SLC6A15: variants seen among roughly 807,000 people sequenced by gnomAD.
The protein encoded by SLC6A15 is solute carrier family 6 member 15.
A neutral mutation model predicts 68.5 loss-of-function variants in SLC6A15; 33 were observed. That is an observed-to-expected ratio of 0.48 (90% CI 0.37 to 0.64). The LOEUF is 0.64. Ranked by LOEUF, SLC6A15 falls within the 30% of genes least tolerant of loss-of-function variation. SLC6A15 has a pLI of 0.00. For synonymous variants in SLC6A15, 347 were observed against 301.0 expected (o/e 1.15, Z -1.58); for missense variants, 747 against 874.3 (o/e 0.85, Z 1.84).
At chr12:84,872,446 T>C (rs1871326212) in intron 8 of SLC6A15, among the ~76,000 whole-genome samples, 156 bp downstream of exon 8, 1 of 152,186 alleles carries the variant, frequency 6.6e-6, no homozygotes, top group Non-Finnish European at 1.5e-5. Flanking sequence ...ATTAAGAATG[T>C]AAATTCTGAA....
rs368561170 is a variant in SLC6A15, at chr12:84,861,694, G to A, written c.2131C>T (p.Arg711Trp). 22 of 1,613,718 alleles carry A rather than the reference G, an allele frequency of 1.4e-5. No individual in the cohort carries two copies. Among genetic ancestry groups the A allele is most frequent in the Middle Eastern group, 1.7e-4 (1 of 6,056 alleles). The change falls in exon 12 of 12, where the codon CGG becomes TGG. Residue 711 changes from arginine (R) to tryptophan (W), a missense_variant. By Grantham distance (101) the Arg-to-Trp change is moderately radical. Coordinates refer to ENST00000266682, the MANE Select transcript of SLC6A15 (RefSeq NM_182767.6). ...SPTLDTAPNG[R>W]YGIGYLMADI... ...GCCATCAAGTACCCTATTCCATACC[G>A]TCCATTGGGAGCAGTATCCAGAGTT...
In SLC6A15 at chr12:84,874,602, T is replaced by A. The variant is rs571760521; in HGVS notation, c.868-1274A>T. 3 of 152,318 alleles carry A rather than the reference T, an allele frequency of 2.0e-5. No individual in the cohort carries two copies. In the East Asian group the frequency reaches 5.8e-4, roughly 29 times the overall value. The allele number at this position is 152,318 out of a possible 1,614,324, so 9.4% of individuals were successfully genotyped here. On this transcript the variant is annotated intron_variant, in intron 6 of 11. Coordinates refer to ENST00000266682, the MANE Select transcript of SLC6A15 (RefSeq NM_182767.6). ...CTTCAACTAATTTTGGTTATTAAAA[T>A]CTATGAAATATGCTTATTAAACATA...
chr12:84,863,093 G>T (rs752219835), intron 11 of SLC6A15, among the ~76,000 whole-genome samples: 1 of 151,936 alleles, frequency 6.6e-6, no homozygotes, highest in Non-Finnish European at 1.5e-5. Flanking sequence ...ACCTGGCCTG[G>T]GATACAACTT....
intron 5 of SLC6A15, chr12:84,881,652 C>A: frequency 1.0e-6 from 1 of 981,826 alleles, no homozygotes; most frequent in Non-Finnish European, 1.2e-6. Context: ...ACATCACCAG[C>A]TGACTCATTC....
chr12:84,869,907 A>T (rs1444020285), intron 9 of SLC6A15, among the ~76,000 whole-genome samples: 1 of 152,054 alleles, frequency 6.6e-6, no homozygotes, highest in African/African-American at 2.4e-5. Context: ...ATAGCCCTTA[A>T]ATGGGAGTAT....
intron 1 of SLC6A15, among the ~76,000 whole-genome samples, chr12:84,897,662 GA>G (rs1872685753): frequency 6.6e-6 from 1 of 151,900 alleles, no homozygotes; most frequent in African/African-American, 2.4e-5. Flanking sequence ...AAAACTAAGA[GA>G]AAAATATATG....
At chr12:84,892,625 T>A (rs968718489) in intron 1 of SLC6A15, among the ~76,000 whole-genome samples, 1 of 152,168 alleles carries the variant, frequency 6.6e-6, no homozygotes, top group Non-Finnish European at 1.5e-5. Flanking sequence ...TTTTCCTCCC[T>A]GACTAAAGCA....
rs573952449 is a variant in SLC6A15 at position 84,907,110 on chromosome 12, G to A, written c.-189+5413C>T. On this transcript the variant is annotated intron_variant, in intron 1 of 11. Coordinates refer to ENST00000266682, the MANE Select transcript of SLC6A15 (RefSeq NM_182767.6). ...CACGCCTGTAATCCCAGCACTTTGGGAGGCCCAGACGGGTGGATCATGAGG... is the reference window on the plus strand; with the variant it reads ...CACGCCTGTAATCCCAGCACTTTGGAAGGCCCAGACGGGTGGATCATGAGG... Among the ~76,000 whole-genome samples, 34 of 152,270 alleles carry A rather than the reference G, an allele frequency of 2.2e-4. 1 individual carries two copies. Among genetic ancestry groups the A allele is most frequent in the African/African-American group, 8.2e-4 (34 of 41,578 alleles).
intron 2 of SLC6A15, among the ~76,000 whole-genome samples, chr12:84,886,646 A>G (rs1330966581): frequency 4.0e-5 from 6 of 151,750 alleles, no homozygotes; most frequent in South Asian, 2.1e-4. Context: ...TTTTTCCCAT[A>G]AATACTACAT....
At chr12:84,905,599 A>G (rs1873104625) in intron 1 of SLC6A15, among the ~76,000 whole-genome samples, 1 of 152,188 alleles carries the variant, frequency 6.6e-6, no homozygotes, top group Non-Finnish European at 1.5e-5. Flanking sequence ...TTAGTGTCCA[A>G]GGGACATTGT....
intron 4 of SLC6A15, 145 bp from the exon 5 acceptor site, chr12:84,884,185 C>T (rs1871970046): frequency 1.5e-6 from 1 of 661,846 alleles, no homozygotes; most frequent in African/African-American, 1.8e-5. Flanking sequence ...TCACAATGAA[C>T]AATAAAAATT....
At position 84,885,978 on chromosome 12, in the gene SLC6A15, C is replaced by G; in HGVS notation, c.380G>C (p.Arg127Pro). The change falls in exon 3 of 12, where the codon CGA (arginine) becomes CCA (proline). Residue 127 changes from arginine to proline, a missense_variant. Physicochemically the swap from Arg to Pro is moderately radical, Grantham distance 103 (BLOSUM62 -2). Transcript: ENST00000266682. ...LELSVGQRIR[R>P]GSIGVWNYIS... ...GTAATTCCATACACCAATGCTGCCT[C>G]GCCGAATTCTTTGACCCACAGAGAG... 6.2e-7 allele frequency: 1 copy of G among 1,612,906 alleles called. No homozygotes were observed. The highest frequency in any genetic ancestry group is 1.1e-5 in the South Asian group (1 of 90,976).
rs1009760716 is a variant in SLC6A15, at chr12:84,879,354, C to G, written c.757-2747G>C. 3.3e-5 allele frequency among the ~76,000 whole-genome samples: 5 copies of G among 151,646 alleles called. 1 individual carries two copies. The highest frequency in any genetic ancestry group is 6.8e-3 in the Middle Eastern group (2 of 294). On this transcript the variant is annotated intron_variant, in intron 5 of 11. Coordinates refer to ENST00000266682, the MANE Select transcript of SLC6A15 (RefSeq NM_182767.6). Reference sequence around the variant, plus strand: ...CTTTCTTTTTTTTTGGAGACCGAGTCTCACTCTGTCGCCCAGGGTGGAGTG... The same window carrying G: ...CTTTCTTTTTTTTTGGAGACCGAGTGTCACTCTGTCGCCCAGGGTGGAGTG...
rs190884828 is a variant in SLC6A15, at chr12:84,884,854, T to C, written c.574+581A>G. On this transcript the variant is annotated intron_variant, in intron 4 of 11. Transcript: ENST00000266682. ...TTAGAGTAATTATATATTGAAATAG[T>C]ATTTTTATATAATAGATTAAGTAAA... Among the ~76,000 whole-genome samples the C allele has an allele frequency of 1.1e-3, 160 of 152,062 alleles. 2 individuals carry two copies. The highest frequency in any genetic ancestry group is 2.5e-3 in the Admixed American group (38 of 15,280).
intron 1 of SLC6A15, among the ~76,000 whole-genome samples, chr12:84,892,699 C>T (rs186613868): frequency 4.6e-5 from 7 of 152,274 alleles, no homozygotes; most frequent in East Asian, 1.9e-4. Flanking sequence ...TGCAAACCAA[C>T]GCTGTAAATT....
chr12:84,886,148 T>A, intron 2 of SLC6A15, 80 bp from the exon 3 acceptor site: 1 of 1,012,540 alleles, frequency 9.9e-7, no homozygotes, highest in Non-Finnish European at 1.4e-6. Context: ...CCATTAAAGA[T>A]AATATTTGAA....
rs895544808 is a variant in SLC6A15, at chr12:84,885,442, T to C, written c.567A>G (p.Ser189=). The change falls in exon 4 of 12, where the codon TCA becomes TCG. Residue 189 remains serine, a synonymous_variant. Coordinates refer to ENST00000266682, the MANE Select transcript of SLC6A15 (RefSeq NM_182767.6). ...WDQCPLVKNA[S]HTFVEPECEQ... ...GTATTATACATATCTTACAAGTGTG[T>C]GAAGCATTTTTCACCAAAGGACACT... 3 of 1,612,886 alleles carry C rather than the reference T, an allele frequency of 1.9e-6. No homozygotes were observed. Among genetic ancestry groups the C allele is most frequent in the African/African-American group, 1.3e-5 (1 of 74,950 alleles).
chr12:84,876,825 A>C (rs955077442), intron 5 of SLC6A15, among the ~76,000 whole-genome samples: 2 of 152,146 alleles, frequency 1.3e-5, no homozygotes, highest in Non-Finnish European at 2.9e-5. Flanking sequence ...AAAACACACT[A>C]TCTCCTTTGA....
At position 84,861,389 on chromosome 12, in the gene SLC6A15, A is replaced by T; in HGVS notation, c.*243T>A. The T allele has an allele frequency of 2.6e-6, 1 of 378,366 alleles. No individual in the cohort carries two copies. Among genetic ancestry groups the T allele is most frequent in the South Asian group, 1.1e-4 (1 of 8,946 alleles). 23.4% of individuals were successfully genotyped at this position (378,366 alleles called of 1,614,324 possible). On this transcript the variant is annotated 3_prime_UTR_variant, in exon 12 of 12. Transcript: ENST00000266682. ...AATACACCAAAGGTACTTAAAAAAA[A>T]ATCCTGGCAAACATGTACCTCAGCC...
Sources: allele counts gnomAD v4.1 joint callset (sites outside exome capture counted in the v4.1 genomes callset), GRCh38; gene constraint gnomAD v4.1.1; transcripts MANE v1.5; gene names NCBI Gene and HGNC (gene_info 2026-07-23, HGNC 2026-07-21).